GPC5: variants seen among roughly 807,000 people sequenced by gnomAD.
GPC5 encodes glypican 5.
In GPC5, 47 loss-of-function variants were observed where a neutral mutation model predicts 53.9. The ratio of observed to expected loss-of-function variants is 0.87; its 90% CI spans 0.69 to 1.11. GPC5 has a LOEUF of 1.11. Among genes scored for constraint, GPC5 ranks in the 50% most tolerant of loss-of-function variants. The pLI, the probability that GPC5 is intolerant of heterozygous loss-of-function variation, is 0.00. For synonymous variants in GPC5, 286 were observed against 263.3 expected (o/e 1.09, Z -0.84); for missense variants, 748 against 713.1 (o/e 1.05, Z -0.56).
intron 7 of GPC5, among the ~76,000 whole-genome samples, chr13:92,650,628 A>G (rs1318125763): frequency 6.6e-6 from 1 of 152,060 alleles, no homozygotes; most frequent in East Asian, 1.9e-4. Context: ...ATAGTTTAAG[A>G]CCTTCTGAGA....
In GPC5 at chr13:92,010,709, G is replaced by A. The variant is rs565214890; in HGVS notation, c.1401+102652G>A. On this transcript the variant is annotated intron_variant, in intron 6 of 7. Transcript: ENST00000377067. ...TCCACCCCCACTGCAAGGAAGAAAG[G>A]CCACAGCAAGAGAATGGTCATCTCT... 4.0e-4 allele frequency among the ~76,000 whole-genome samples: 61 copies of A among 152,234 alleles called. 1 individual carries two copies. Among genetic ancestry groups the A allele is most frequent in the African/African-American group, 1.3e-3 (55 of 41,544 alleles).
At chr13:92,119,225 C>T (rs1038562933) in intron 6 of GPC5, among the ~76,000 whole-genome samples, 1 of 152,016 alleles carries the variant, frequency 6.6e-6, no homozygotes, top group African/African-American at 2.4e-5. Context: ...GACTTATTCA[C>T]TGTCATGGGA....
intron 2 of GPC5, among the ~76,000 whole-genome samples, chr13:91,659,219 A>G (rs1369019457): frequency 6.6e-6 from 1 of 152,236 alleles, no homozygotes. Context: ...AAAAATACAA[A>G]TGCATAGAAA....
At chr13:91,969,004 T>A (rs1160501300) in intron 6 of GPC5, among the ~76,000 whole-genome samples, 3 of 152,092 alleles carry the variant, frequency 2.0e-5, no homozygotes, top group African/African-American at 7.2e-5. Flanking sequence ...GTCTCCACTC[T>A]GTCAACCAGG....
rs563326547 is a variant in GPC5, at chr13:91,611,941, C to G, written c.326-81246C>G. Among the ~76,000 whole-genome samples the G allele has an allele frequency of 9.2e-5, 14 of 152,272 alleles. No homozygotes were observed. The South Asian group carries it at 2.1e-3, about 23-fold the overall frequency. The stretch of plus-strand genomic sequence containing the variant: ...TCCTTGTGTTGTCTGCAGCTGGGCC[C>G]CACCTGACCTCTTCTTCCGCGTTAA... On this transcript the variant is annotated intron_variant, in intron 2 of 7. Coordinates refer to ENST00000377067, the MANE Select transcript of GPC5 (RefSeq NM_004466.6).
intron 7 of GPC5, among the ~76,000 whole-genome samples, chr13:92,438,341 C>T (rs1202292168): frequency 2.0e-5 from 3 of 149,842 alleles, no homozygotes; most frequent in Non-Finnish European, 3.0e-5. Context: ...AGTAAATGAC[C>T]TTTTTAAGGT....
chr13:91,716,034 T>C (rs2036331047), intron 3 of GPC5, among the ~76,000 whole-genome samples: 1 of 152,030 alleles, frequency 6.6e-6, no homozygotes, highest in Admixed American at 6.6e-5. Flanking sequence ...CCACCTCAAA[T>C]TCCAAAAGTG....
intron 7 of GPC5, among the ~76,000 whole-genome samples, chr13:92,348,460 G>A (rs751681235): frequency 5.3e-5 from 8 of 151,848 alleles, no homozygotes; most frequent in African/African-American, 1.7e-4. Flanking sequence ...TGAGAGAGAG[G>A]GATTGCCATA....
chr13:92,374,336 G>A (rs2043675001), intron 7 of GPC5, among the ~76,000 whole-genome samples: 1 of 151,982 alleles, frequency 6.6e-6, no homozygotes, highest in Admixed American at 6.6e-5. Flanking sequence ...AGCAGTAATG[G>A]GAGACTCTGA....
rs138969279 is a variant in GPC5, at chr13:92,750,319, T to G, written c.1562-115963T>G. Among the ~76,000 whole-genome samples the G allele has an allele frequency of 5.8e-3, 878 of 152,274 alleles. 11 individuals are homozygous for G. The highest frequency in any genetic ancestry group is 0.02 in the African/African-American group (832 of 41,564). On this transcript the variant is annotated intron_variant, in intron 7 of 7. Transcript: ENST00000377067. Reference sequence around the variant, plus strand: ...CTACAGAAATATGCACATTTTTGTCTTGTCTCTCTTGATATTTTATGTAAA... The same window carrying G: ...CTACAGAAATATGCACATTTTTGTCGTGTCTCTCTTGATATTTTATGTAAA...
chr13:91,422,258 C>G (rs1035934846), intron 1 of GPC5, among the ~76,000 whole-genome samples: 3 of 152,176 alleles, frequency 2.0e-5, no homozygotes, highest in Admixed American at 6.5e-5. Flanking sequence ...AAAAAGCAAA[C>G]TCAGTATTTT....
intron 7 of GPC5, among the ~76,000 whole-genome samples, chr13:92,574,086 A>C (rs1047309966): frequency 6.6e-6 from 1 of 152,084 alleles, no homozygotes; most frequent in Non-Finnish European, 1.5e-5. Flanking sequence ...TTTAGTTTCC[A>C]CTGCACCTTG....
intron 6 of GPC5, among the ~76,000 whole-genome samples, chr13:91,986,983 G>A (rs1184423199): frequency 6.6e-6 from 1 of 152,168 alleles, no homozygotes; most frequent in Non-Finnish European, 1.5e-5. Context: ...CAATATATCA[G>A]GGATTAATTG....
intron 7 of GPC5, among the ~76,000 whole-genome samples, chr13:92,462,949 G>T (rs985557137): frequency 6.6e-6 from 1 of 151,996 alleles, no homozygotes; most frequent in Non-Finnish European, 1.5e-5. Flanking sequence ...TTTAAATCAA[G>T]GAGTTCAAGG....
chr13:92,082,612 A>C (rs1330860715), intron 6 of GPC5, among the ~76,000 whole-genome samples: 1 of 152,220 alleles, frequency 6.6e-6, no homozygotes, highest in Non-Finnish European at 1.5e-5. Context: ...CACAATTTTA[A>C]TGCCTCAGCA....
intron 7 of GPC5, among the ~76,000 whole-genome samples, chr13:92,210,448 A>C (rs2042366914): frequency 6.6e-6 from 1 of 152,188 alleles, no homozygotes; most frequent in Non-Finnish European, 1.5e-5. Flanking sequence ...ATTACTAAAA[A>C]TAGTTGATTC....
chr13:91,826,034 A>G (rs2038571199), intron 5 of GPC5, among the ~76,000 whole-genome samples: 1 of 152,102 alleles, frequency 6.6e-6, no homozygotes, highest in Non-Finnish European at 1.5e-5. Context: ...GGACAAGTTA[A>G]CTAAAAATAA....
chr13:91,704,984 T>C (rs2139873415), intron 3 of GPC5, among the ~76,000 whole-genome samples: 1 of 152,352 alleles, frequency 6.6e-6, no homozygotes, highest in Admixed American at 6.5e-5. Context: ...CTAGAGATGA[T>C]CAGAGAAGAC....
At chr13:92,864,845 G>A (rs1374677455) in intron 7 of GPC5, among the ~76,000 whole-genome samples, 2 of 152,032 alleles carry the variant, frequency 1.3e-5, no homozygotes, top group African/African-American at 4.8e-5. Context: ...ATGCAGCACA[G>A]CTTATCTTCT....
Sources: allele counts gnomAD v4.1 joint callset (sites outside exome capture counted in the v4.1 genomes callset), GRCh38; gene constraint gnomAD v4.1.1; transcripts MANE v1.5; gene names NCBI Gene and HGNC (gene_info 2026-07-23, HGNC 2026-07-21).